The following DGCR8 variants were observed in gnomAD, a reference collection of about 807,000 sequenced individuals.
DGCR8 encodes the protein DGCR8 microprocessor complex subunit, also known as microprocessor complex subunit DGCR8.
A neutral mutation model predicts 78.5 loss-of-function variants in DGCR8; 14 were observed. The observed-to-expected ratio is 0.18, with a 90% CI of 0.12 to 0.28. The LOEUF is 0.28. Among genes scored for constraint, DGCR8 ranks in the 10% least tolerant of loss-of-function variants. DGCR8 has a pLI of 1.00. For missense variants in DGCR8, 702 were observed against 1,022.5 expected, an observed-to-expected ratio of 0.69 and a Z score of 4.28; for synonymous variants, 399 against 402.4, an observed-to-expected ratio of 0.99 and a Z score of 0.10.
intron 1 of DGCR8, among the ~76,000 whole-genome samples, chr22:20,084,752 G>A (rs1397080858): frequency 6.6e-6 from 1 of 152,194 alleles, no homozygotes; most frequent in African/African-American, 2.4e-5. Context: ...GTCAACAAGT[G>A]CGGTCAGTTC....
chr22:20,082,643 A>C (rs2049431448), intron 1 of DGCR8, among the ~76,000 whole-genome samples: 1 of 152,108 alleles, frequency 6.6e-6, no homozygotes, highest in Admixed American at 6.5e-5. Context: ...CTGGGATTAC[A>C]GTCGTGCACC....
In DGCR8 at chr22:20,086,892, G is replaced by T. The variant is rs1313727008; in HGVS notation, c.720+209G>T. 3.9e-6 allele frequency: 3 copies of T among 768,038 alleles called. No homozygotes were observed. The highest frequency in any genetic ancestry group is 6.0e-6 in the Non-Finnish European group (3 of 496,254). The allele number at this position is 768,038 out of a possible 1,614,324, so 47.6% of individuals were successfully genotyped here. A position where few individuals can be genotyped will look rare whatever the true frequency, so the allele number is the denominator to read the frequency against. On this transcript the variant is annotated intron_variant, in intron 2 of 13. Transcript: ENST00000351989. This position sits in a 1 kb window ranked among gnomAD's most constrained non-coding sequence, Gnocchi z 6.4. The stretch of plus-strand genomic sequence containing the variant: ...TTCCTAATGAAAAGTTTGGCCCATG[G>T]GTAGGCCCTGCATCCCTGATCTAGC...
intron 7 of DGCR8, among the ~76,000 whole-genome samples, chr22:20,092,540 G>T (rs922036026): frequency 6.6e-6 from 1 of 152,166 alleles, no homozygotes; most frequent in South Asian, 2.1e-4. Flanking sequence ...TGTCGTAGGA[G>T]GCTCTGCCCC....
intron 1 of DGCR8, among the ~76,000 whole-genome samples, chr22:20,080,988 C>T (rs570208387): frequency 2.6e-5 from 4 of 152,320 alleles, no homozygotes; most frequent in Admixed American, 2.6e-4. Flanking sequence ...CTGTCTTTGG[C>T]TGTCGACTGT....
At chr22:20,100,443 T>A in intron 9 of DGCR8, 1 of 985,370 alleles carries the variant, frequency 1.0e-6, no homozygotes, top group African/African-American at 1.7e-5. Flanking sequence ...TCTGGGGAAG[T>A]GCTTGCGTAG....
At chr22:20,095,399 C>T (rs8141289) in intron 9 of DGCR8, among the ~76,000 whole-genome samples, 7,126 of 152,224 alleles carry the variant, frequency 0.047, 239 homozygotes, top group East Asian at 0.09. Context: ...AGCCACTGCG[C>T]CCGGCCCTAG....
intron 9 of DGCR8, chr22:20,101,851 C>T (rs1273937519): frequency 4.1e-6 from 4 of 985,364 alleles, no homozygotes; most frequent in South Asian, 4.7e-5. Context: ...GGTAGTATCC[C>T]CTCCTTGTGT....
At chr22:20,106,802 C>A in intron 11 of DGCR8, 104 bp downstream of exon 11, 1 of 800,940 alleles carries the variant, frequency 1.2e-6, no homozygotes, top group East Asian at 2.6e-5. Flanking sequence ...GGCATTGTCC[C>A]TGAGCCCAGC....
In DGCR8 at chr22:20,108,940, C is replaced by G. The variant is rs1172660271; in HGVS notation, c.2175C>G (p.Asn725Lys). The G allele has an allele frequency of 3.1e-6, 5 of 1,611,994 alleles. No individual in the cohort carries two copies. The stretch of plus-strand genomic sequence containing the variant: ...AGCTGCAGCAGTATGCCAAGAAGAA[C>G]AAGCCCAACCTGCACATCCTCAGCA... ...VIELQQYAKK[N>K]KPNLHILSKL... The change falls in exon 13 of 14, where the codon AAC (asparagine) becomes AAG (lysine). Residue 725 changes from asparagine to lysine, a missense_variant. Coordinates refer to ENST00000351989, the MANE Select transcript of DGCR8 (RefSeq NM_022720.7).
At chr22:20,095,805 C>A (rs2049622286) in intron 9 of DGCR8, among the ~76,000 whole-genome samples, 1 of 152,026 alleles carries the variant, frequency 6.6e-6, no homozygotes, top group African/African-American at 2.4e-5. Context: ...CCAGTGGGAG[C>A]CCTGAGCTTG....
At chr22:20,095,046 C>T (rs111891272) in intron 9 of DGCR8, among the ~76,000 whole-genome samples, 29 of 152,174 alleles carry the variant, frequency 1.9e-4, no homozygotes, top group Non-Finnish European at 2.5e-4. Context: ...GAGTGTGCAC[C>T]GTAAATGTCG....
At chr22:20,103,647 A>G (rs140287251) in intron 9 of DGCR8, among the ~76,000 whole-genome samples, 50 of 152,286 alleles carry the variant, frequency 3.3e-4, no homozygotes, top group Non-Finnish European at 2.2e-4. Flanking sequence ...AGGTCATGGT[A>G]CGGGTAGTGT....
At chr22:20,080,573 C>A in intron 1 of DGCR8, 190 bp downstream of exon 1, 3 of 792,556 alleles carry the variant, frequency 3.8e-6, no homozygotes, top group Non-Finnish European at 4.6e-6. Context: ...GCCTCCGGGG[C>A]TGGGGGGCGG....
At chr22:20,096,930 TG>T (rs912179190) in intron 9 of DGCR8, among the ~76,000 whole-genome samples, 41 of 152,302 alleles carry the variant, frequency 2.7e-4, no homozygotes, top group Admixed American at 5.2e-4. Flanking sequence ...CAGATGATCA[TG>T]TTTTTTTTTG....
At chr22:20,109,970 C>G (rs563470077) in intron 13 of DGCR8, 55 bp from the exon 14 acceptor site, 1 of 1,565,966 alleles carries the variant, frequency 6.4e-7, no homozygotes, top group South Asian at 1.1e-5. Context: ...TGTGTCTTCC[C>G]GAGCCTCTGC....
chr22:20,093,887 C>A (rs1369322075), intron 8 of DGCR8, among the ~76,000 whole-genome samples: 1 of 152,222 alleles, frequency 6.6e-6, no homozygotes, highest in Non-Finnish European at 1.5e-5. Flanking sequence ...CAGGCCCTCG[C>A]ACCCACAGGT....
intron 12 of DGCR8, 72 bp from the exon 13 acceptor site, chr22:20,108,818 C>T: frequency 6.5e-6 from 3 of 459,424 alleles, no homozygotes; most frequent in Non-Finnish European, 3.6e-6. Context: ...CCCAGGCACA[C>T]AGCTGCTGGG....
chr22:20,097,865 AC>A (rs2049647779), intron 9 of DGCR8, among the ~76,000 whole-genome samples: 1 of 146,098 alleles, frequency 6.8e-6, no homozygotes, highest in Non-Finnish European at 1.5e-5. Context: ...ATGGTGGCTC[AC>A]ACCTGTAATC....
chr22:20,094,095 G>A (rs1015723731), intron 8 of DGCR8, among the ~76,000 whole-genome samples: 11 of 152,152 alleles, frequency 7.2e-5, no homozygotes, highest in Admixed American at 6.5e-4. Context: ...GGGATCACCC[G>A]CTTTCCTCCC....
Sources: gnomAD v4.1 joint callset for allele counts (sites outside exome capture counted in the v4.1 genomes callset) on GRCh38, gnomAD v4.1.1 for gene constraint, Gnocchi (gnomAD v3.1) non-coding constraint, MANE v1.5 for transcripts, NCBI Gene and HGNC (gene_info 2026-07-23, HGNC 2026-07-21) for gene names.